SNTB1: variants seen among roughly 807,000 people sequenced by gnomAD.
SNTB1 encodes the protein beta-1-syntrophin.
A neutral mutation model predicts 48.9 loss-of-function variants in SNTB1; 36 were observed. The observed-to-expected ratio is 0.74, with a 90% confidence interval of 0.56 to 0.97. The LOEUF (loss-of-function observed/expected upper bound fraction) is 0.97, where lower values mean the gene tolerates loss of function less well. Among genes scored for constraint, SNTB1 ranks in the 50% least tolerant of loss-of-function variants. SNTB1 has a pLI of 0.00. For missense variants in SNTB1, 786 were observed against 703.4 expected, an observed-to-expected ratio of 1.12 and a Z score of -1.33; for synonymous variants, 299 against 294.6, an observed-to-expected ratio of 1.01 and a Z score of -0.15.
At chr8:120,763,834 T>TTTGC (rs1317295146) in intron 1 of SNTB1, among the ~76,000 whole-genome samples, 7 of 152,014 alleles carry the variant, frequency 4.6e-5, no homozygotes, top group African/African-American at 1.7e-4. Flanking sequence ...TATTTGTTTG[T>TTTGC]TTTATAGAGA....
rs543080295 is a variant in SNTB1 at position 120,706,915 on chromosome 8, C to T, written c.572-13007G>A. 3.9e-5 allele frequency among the ~76,000 whole-genome samples: 6 copies of T among 152,020 alleles called. No individual in the cohort carries two copies. The South Asian group carries it at 1.2e-3, about 32-fold the overall frequency. On this transcript the variant is annotated intron_variant, in intron 1 of 6. Coordinates refer to ENST00000517992, the MANE Select transcript of SNTB1 (RefSeq NM_021021.4). ...ACATTAAGTAAACTAAATATCATTA[C>T]CAAGGGTAGAGTCAGGAAAGGAATG...
chr8:120,586,998 A>G (rs1563824630), intron 3 of SNTB1, among the ~76,000 whole-genome samples: 1 of 152,164 alleles, frequency 6.6e-6, no homozygotes, highest in Non-Finnish European at 1.5e-5. Context: ...AGGCGGGTGG[A>G]TCACCTGAGG....
intron 1 of SNTB1, among the ~76,000 whole-genome samples, chr8:120,779,033 C>T (rs1454426863): frequency 2.0e-5 from 3 of 151,992 alleles, no homozygotes; most frequent in Admixed American, 6.6e-5. Flanking sequence ...TTAGGCTCCA[C>T]GTGGGGCCCT....
chr8:120,688,382 A>G (rs73708638), intron 2 of SNTB1, among the ~76,000 whole-genome samples: 4,671 of 152,260 alleles, frequency 0.031, 208 homozygotes, highest in Middle Eastern at 0.11. Context: ...TTTTCAAAAG[A>G]CATTTTTAGA....
At chr8:120,699,592 C>G (rs532447967) in intron 1 of SNTB1, among the ~76,000 whole-genome samples, 1 of 152,210 alleles carries the variant, frequency 6.6e-6, no homozygotes, top group Non-Finnish European at 1.5e-5. Flanking sequence ...TCCTGTCCAG[C>G]CTGCAGCACC....
At chr8:120,579,061 T>C (rs1211632608) in intron 3 of SNTB1, among the ~76,000 whole-genome samples, 2 of 151,880 alleles carry the variant, frequency 1.3e-5, no homozygotes, top group Non-Finnish European at 2.9e-5. Context: ...CCTGTAATCC[T>C]AGCTACTCAG....
At chr8:120,557,389 GAAGT>G (rs1464751050) in intron 4 of SNTB1, among the ~76,000 whole-genome samples, 1 of 152,200 alleles carries the variant, frequency 6.6e-6, no homozygotes, top group Non-Finnish European at 1.5e-5. Flanking sequence ...AAGCCAAGAT[GAAGT>G]AAGTGCCCTT....
At chr8:120,779,282 A>T (rs1819790919) in intron 1 of SNTB1, among the ~76,000 whole-genome samples, 1 of 152,168 alleles carries the variant, frequency 6.6e-6, no homozygotes, top group South Asian at 2.1e-4. Flanking sequence ...AGGTAGGCAG[A>T]TCACAAGGTC....
chr8:120,637,713 T>C (rs1817106014), intron 2 of SNTB1: 1 of 445,128 alleles, frequency 2.2e-6, no homozygotes, highest in South Asian at 1.7e-5. Context: ...CTTATGCCTG[T>C]TGAAATGGAC....
chr8:120,740,349 A>G (rs557897238), intron 1 of SNTB1, among the ~76,000 whole-genome samples: 8 of 152,206 alleles, frequency 5.3e-5, no homozygotes, highest in Non-Finnish European at 1.2e-4. Context: ...GAAGAAAATT[A>G]TCCATTTCCT....
chr8:120,729,462 C>T (rs977035627), intron 1 of SNTB1, among the ~76,000 whole-genome samples: 13 of 152,080 alleles, frequency 8.5e-5, no homozygotes, highest in Admixed American at 2.6e-4. Flanking sequence ...AAATAATGTA[C>T]GAATATATAT....
intron 2 of SNTB1, among the ~76,000 whole-genome samples, chr8:120,673,912 T>C (rs1483514687): frequency 3.3e-5 from 5 of 152,164 alleles, no homozygotes; most frequent in African/African-American, 9.7e-5. Context: ...ATCTTAAAGC[T>C]ATGCAACTCT....
intron 1 of SNTB1, among the ~76,000 whole-genome samples, chr8:120,716,638 A>G (rs897331106): frequency 5.9e-5 from 9 of 152,156 alleles, no homozygotes; most frequent in African/African-American, 1.7e-4. Flanking sequence ...CCACAGCTAC[A>G]AGCAGTGAGT....
At position 120,537,415 on chromosome 8, in the gene SNTB1, C is replaced by A. The variant is rs1476225518; in HGVS notation, c.*1462G>T. On this transcript the variant is annotated 3_prime_UTR_variant, in exon 7 of 7. Transcript: ENST00000517992. ...TGGAACTAGCGTCATATGATATATT[C>A]TTTGGGGAAATGCTGATTTAAAATA... 6.6e-6 allele frequency: 1 copy of A among 152,164 alleles called. No homozygotes were observed. Among genetic ancestry groups the A allele is most frequent in the African/African-American group, 2.4e-5 (1 of 41,450 alleles). 9.4% of individuals were successfully genotyped at this position (152,164 alleles called of 1,614,324 possible). A position where few individuals can be genotyped will look rare whatever the true frequency, so the allele number is the denominator to read the frequency against.
At chr8:120,558,443 G>A (rs545255608) in intron 4 of SNTB1, among the ~76,000 whole-genome samples, 118 of 152,146 alleles carry the variant, frequency 7.8e-4, no homozygotes, top group Non-Finnish European at 1.1e-3. Context: ...CCAAGGACAT[G>A]CTTTGTTCTT....
chr8:120,716,203 T>C (rs565612144), intron 1 of SNTB1, among the ~76,000 whole-genome samples: 14 of 152,346 alleles, frequency 9.2e-5, no homozygotes, highest in African/African-American at 2.9e-4. Context: ...GGCATAAATT[T>C]TTCTACCTCA....
intron 1 of SNTB1, among the ~76,000 whole-genome samples, chr8:120,696,552 G>A (rs1238327361): frequency 6.6e-6 from 1 of 152,128 alleles, no homozygotes; most frequent in Non-Finnish European, 1.5e-5. Context: ...GGAAACTAAG[G>A]TCTAGAGAAG....
At chr8:120,694,173 G>T (rs1205477776) in intron 1 of SNTB1, among the ~76,000 whole-genome samples, 1 of 152,104 alleles carries the variant, frequency 6.6e-6, no homozygotes, top group Non-Finnish European at 1.5e-5. Flanking sequence ...GACAACTTTT[G>T]CACTTTCTGA....
intron 3 of SNTB1, among the ~76,000 whole-genome samples, chr8:120,599,338 T>C (rs1816383513): frequency 6.6e-6 from 1 of 152,240 alleles, no homozygotes; most frequent in South Asian, 2.1e-4. Context: ...TTCTATCTCA[T>C]CAGAACCTAA....
Sources: gnomAD v4.1 joint callset for allele counts (sites outside exome capture counted in the v4.1 genomes callset) on GRCh38, gnomAD v4.1.1 for gene constraint, MANE v1.5 for transcripts, NCBI Gene and HGNC (gene_info 2026-07-23, HGNC 2026-07-21) for gene names.